LBH: variants seen among roughly 807,000 people sequenced by gnomAD.
LBH encodes the protein protein LBH.
Under a neutral mutation model 12.5 loss-of-function variants are expected in LBH, and 7 were observed. The observed-to-expected ratio is 0.56, with a 90% CI of 0.32 to 1.05. LBH has a LOEUF of 1.05. Among genes scored for constraint, LBH ranks in the 50% least tolerant of loss-of-function variants. LBH has a pLI of 0.04. For synonymous variants in LBH, 51 were observed against 50.1 expected, an observed-to-expected ratio of 1.02 and a Z score of -0.08; for missense variants, 119 against 138.9, an observed-to-expected ratio of 0.86 and a Z score of 0.72.
At chr2:30,231,835 G>A in intron 1 of LBH, 71 bp downstream of exon 1, 7 of 1,416,100 alleles carry the variant, frequency 4.9e-6, no homozygotes, top group Non-Finnish European at 6.6e-6. Flanking sequence ...CCTGCTTCGT[G>A]CCGGCTCCGG....
At chr2:30,237,379 C>T (rs1677706451) in intron 2 of LBH, among the ~76,000 whole-genome samples, 1 of 152,192 alleles carries the variant, frequency 6.6e-6, no homozygotes, top group South Asian at 2.1e-4. Context: ...TTCTCTGTAC[C>T]AGCTGTGACG....
chr2:30,246,904 C>G (rs922681502), intron 2 of LBH, among the ~76,000 whole-genome samples: 1 of 151,204 alleles, frequency 6.6e-6, no homozygotes, highest in Admixed American at 6.6e-5. Context: ...TCACTGCAGC[C>G]TCCAACTCCT....
chr2:30,251,104 GA>G (rs1304924230), intron 2 of LBH, among the ~76,000 whole-genome samples: 2 of 143,498 alleles, frequency 1.4e-5, no homozygotes, highest in African/African-American at 5.2e-5. Context: ...ACCCAGGCTG[GA>G]GTGCAATGGC....
chr2:30,232,226 A>C (rs1677601665), intron 1 of LBH: 7 of 430,066 alleles, frequency 1.6e-5, no homozygotes, highest in Non-Finnish European at 3.0e-5. Flanking sequence ...CAGGGTTTGC[A>C]GAGCTCCGGG....
At chr2:30,250,863 G>T (rs948721123) in intron 2 of LBH, among the ~76,000 whole-genome samples, 7 of 151,878 alleles carry the variant, frequency 4.6e-5, no homozygotes, top group African/African-American at 1.7e-4. Context: ...GGATTCCCAG[G>T]AACATCCTGC....
chr2:30,234,366 G>C lies in LBH; in HGVS notation c.27-39G>C, dbSNP rs201929818. 622 of 1,468,802 alleles carry C rather than the reference G, an allele frequency of 4.2e-4. 6 individuals are homozygous for C. The African/African-American group carries it at 7.7e-3, about 18-fold the overall frequency. 91.0% of individuals were successfully genotyped at this position (1,468,802 alleles called of 1,614,324 possible). A position where few individuals can be genotyped will look rare whatever the true frequency, so the allele number is the denominator to read the frequency against. ...CATGAAGAGTTAGGAATGTGAAAGCGCGTGTGTTTGTTGACTTTTGGTCTG... is the reference window on the plus strand; with the variant it reads ...CATGAAGAGTTAGGAATGTGAAAGCCCGTGTGTTTGTTGACTTTTGGTCTG... On this transcript the variant is annotated intron_variant, in intron 1 of 2. Coordinates refer to ENST00000395323, the MANE Select transcript of LBH (RefSeq NM_030915.4).
At chr2:30,240,290 C>G (rs959836016) in intron 2 of LBH, among the ~76,000 whole-genome samples, 3 of 152,154 alleles carry the variant, frequency 2.0e-5, no homozygotes, top group African/African-American at 7.2e-5. Flanking sequence ...TAGGCCCGGT[C>G]TCCCACGTTG....
chr2:30,238,304 A>T (rs1332028248), intron 2 of LBH, among the ~76,000 whole-genome samples: 2 of 152,248 alleles, frequency 1.3e-5, no homozygotes, highest in African/African-American at 4.8e-5. Flanking sequence ...GCTAAGGTCC[A>T]GATACAGATG....
chr2:30,257,333 T>C, intron 2 of LBH, 100 bp from the exon 3 acceptor site: 8 of 1,327,546 alleles, frequency 6.0e-6, no homozygotes, highest in Non-Finnish European at 8.5e-6. Context: ...CCCTGGCCTA[T>C]GGCATGCACC....
At chr2:30,237,562 T>C (rs1677711112) in intron 2 of LBH, among the ~76,000 whole-genome samples, 1 of 152,174 alleles carries the variant, frequency 6.6e-6, no homozygotes, top group African/African-American at 2.4e-5. Context: ...GTGGTGGTTG[T>C]TTCCATGAAG....
intron 2 of LBH, among the ~76,000 whole-genome samples, chr2:30,256,225 T>C (rs1341066833): frequency 6.6e-6 from 1 of 152,154 alleles, no homozygotes; most frequent in Non-Finnish European, 1.5e-5. Context: ...ATAGCTGGGT[T>C]TGGAGTTTCT....
Position 30,257,780 on chromosome 2 carries a change from C to A in LBH, c.*159C>A. On this transcript the variant is annotated 3_prime_UTR_variant, in exon 3 of 3. Coordinates refer to ENST00000395323, the MANE Select transcript of LBH (RefSeq NM_030915.4). ...CAGATCACCGAGTTGGTTTTCTTTTCTTTTCTTGCCTTTTTTTTTTTTTGA... is the reference window on the plus strand; with the variant it reads ...CAGATCACCGAGTTGGTTTTCTTTTATTTTCTTGCCTTTTTTTTTTTTTGA... 7 of 472,402 alleles carry A rather than the reference C, an allele frequency of 1.5e-5. No homozygotes were observed. The highest frequency in any genetic ancestry group is 2.5e-5 in the Non-Finnish European group (7 of 281,760). The allele number at this position is 472,402 out of a possible 1,614,324, so 29.3% of individuals were successfully genotyped here. A position where few individuals can be genotyped will look rare whatever the true frequency, so the allele number is the denominator to read the frequency against.
intron 1 of LBH, chr2:30,232,321 C>A: frequency 7.6e-7 from 1 of 1,321,964 alleles, no homozygotes; most frequent in Non-Finnish European, 1.0e-6. Flanking sequence ...CCTCTCAACC[C>A]CTGCCCTCTC....
chr2:30,241,028 A>G (rs574639680), intron 2 of LBH, among the ~76,000 whole-genome samples: 2 of 152,366 alleles, frequency 1.3e-5, no homozygotes, highest in East Asian at 3.9e-4. Flanking sequence ...AATTTAAAAT[A>G]TACCTTGAAC....
chr2:30,241,924 G>A (rs1161085321), intron 2 of LBH, among the ~76,000 whole-genome samples: 1 of 152,024 alleles, frequency 6.6e-6, no homozygotes, highest in Non-Finnish European at 1.5e-5. Context: ...CCTTAACAGC[G>A]TCTAAGTCAT....
At chr2:30,248,248 G>T (rs571173272) in intron 2 of LBH, among the ~76,000 whole-genome samples, 3 of 152,288 alleles carry the variant, frequency 2.0e-5, no homozygotes, top group Admixed American at 6.5e-5. Flanking sequence ...GACGTCTTGC[G>T]TGGGGCAAAA....
intron 2 of LBH, among the ~76,000 whole-genome samples, chr2:30,239,021 C>T (rs1677738758): frequency 6.6e-6 from 1 of 151,786 alleles, no homozygotes; most frequent in Non-Finnish European, 1.5e-5. Flanking sequence ...TCCCGAGTAG[C>T]TGGGACTACA....
intron 2 of LBH, among the ~76,000 whole-genome samples, chr2:30,239,111 T>C (rs1352998086): frequency 6.6e-6 from 1 of 152,028 alleles, no homozygotes; most frequent in African/African-American, 2.4e-5. Context: ...TTCCCACTCC[T>C]TGTCAGAAGC....
chr2:30,242,685 C>A (rs1482868738), intron 2 of LBH, among the ~76,000 whole-genome samples: 1 of 152,166 alleles, frequency 6.6e-6, no homozygotes, highest in Non-Finnish European at 1.5e-5. Context: ...AAAATTGAGA[C>A]CATACTGTAC....
Sources: gnomAD v4.1 joint callset for allele counts (sites outside exome capture counted in the v4.1 genomes callset) on GRCh38, gnomAD v4.1.1 for gene constraint, MANE v1.5 for transcripts, NCBI Gene and HGNC (gene_info 2026-07-23, HGNC 2026-07-21) for gene names.